The following LMF1 variants were observed in gnomAD, a reference collection of about 807,000 sequenced individuals.
The protein encoded by LMF1 is transmembrane protein 112.
Under a neutral mutation model 60.6 loss-of-function variants are expected in LMF1, and 68 were observed. That is an observed-to-expected ratio of 1.12 (90% confidence interval 0.92 to 1.37). The LOEUF is 1.37. Among genes scored for constraint, LMF1 ranks in the 40% most tolerant of loss-of-function variants. The pLI is 0.00. For synonymous variants in LMF1, 418 were observed against 324.7 expected, an observed-to-expected ratio of 1.29 and a Z score of -3.09; for missense variants, 948 against 767.2, an observed-to-expected ratio of 1.24 and a Z score of -2.78.
chr16:932,195 A>ATCT (rs1279884939), intron 3 of LMF1, among the ~76,000 whole-genome samples: 1 of 152,122 alleles, frequency 6.6e-6, no homozygotes, highest in Non-Finnish European at 1.5e-5. Flanking sequence ...TACTTAGAGT[A>ATCT]GAGCCTGTGT....
chr16:970,944 C>G lies in LMF1; in HGVS notation c.37G>C (p.Glu13Gln). Reference sequence around the variant, plus strand: ...CCAGTCTTCCGCCTCCTCAGCGACTCCGCGGGCGCCGCCATTGTTGGGCTG... The same window carrying G: ...CCAGTCTTCCGCCTCCTCAGCGACTGCGCGGGCGCCGCCATTGTTGGGCTG... ...PDSPTMAAPA[E>Q]SLRRRKTGYS... is the part of the protein sequence containing the mutation. The change falls in exon 1 of 11, where the codon GAG (glutamate) becomes CAG (glutamine). Residue 13 changes from glutamate (E) to glutamine (Q), a missense_variant. Coordinates refer to ENST00000262301, the MANE Select transcript of LMF1 (RefSeq NM_022773.4). 1 of 1,543,026 alleles carries G rather than the reference C, an allele frequency of 6.5e-7. No individual in the cohort carries two copies. The highest frequency in any genetic ancestry group is 8.8e-7 in the Non-Finnish European group (1 of 1,140,034).
At chr16:977,669 G>C (rs965851452) in intron 1 of LMF1, among the ~76,000 whole-genome samples, 1 of 150,464 alleles carries the variant, frequency 6.6e-6, no homozygotes, top group Non-Finnish European at 1.5e-5. Flanking sequence ...GAGGAGGGCC[G>C]GGTTGGGGGT....
intron 3 of LMF1, among the ~76,000 whole-genome samples, chr16:927,799 G>C (rs1458844754): frequency 1.3e-5 from 2 of 152,206 alleles, no homozygotes; most frequent in African/African-American, 4.8e-5. Context: ...ACGAATTTAA[G>C]AGCCGCAAGG....
intron 4 of LMF1, among the ~76,000 whole-genome samples, chr16:906,771 G>A (rs916848839): frequency 2.0e-5 from 3 of 152,136 alleles, no homozygotes; most frequent in African/African-American, 7.2e-5. Flanking sequence ...CTTCAAAATT[G>A]TTTTGGCTAT....
At chr16:949,984 G>A (rs1363905467) in intron 2 of LMF1, among the ~76,000 whole-genome samples, 2 of 142,044 alleles carry the variant, frequency 1.4e-5, no homozygotes, top group Admixed American at 7.0e-5. Context: ...CAGAGCCAAC[G>A]ACAGAGTCAG....
chr16:933,976 C>A (rs761225667), intron 3 of LMF1: 4 of 1,443,334 alleles, frequency 2.8e-6, no homozygotes, highest in Non-Finnish European at 3.7e-6. Context: ...CCCAGGGAAG[C>A]GGTGGTAATC....
intron 2 of LMF1, among the ~76,000 whole-genome samples, chr16:947,064 C>G (rs952064104): frequency 2.0e-5 from 3 of 152,218 alleles, no homozygotes; most frequent in Non-Finnish European, 4.4e-5. Context: ...AGACACCCAG[C>G]ACACAGCAAC....
intron 5 of LMF1, among the ~76,000 whole-genome samples, chr16:880,643 T>G (rs2070134186): frequency 1.3e-5 from 2 of 152,248 alleles, no homozygotes; most frequent in African/African-American, 4.8e-5. Flanking sequence ...GCACTCAGCC[T>G]AGGCAACAGA....
In LMF1 at chr16:879,729, C is replaced by T. The variant is rs753692649; in HGVS notation, c.738G>A (p.Pro246=). 31 of 1,586,536 alleles carry T rather than the reference C, an allele frequency of 2.0e-5. 1 individual carries two copies. Among genetic ancestry groups the T allele is most frequent in the African/African-American group, 8.1e-5 (6 of 74,452 alleles). Reference sequence around the variant, plus strand: ...GGTAGTACGCCACAGGATTGGGCATCGGCTGGGTCTGCAGGGACAGGAGGG... The same window carrying T: ...GGTAGTACGCCACAGGATTGGGCATTGGCTGGGTCTGCAGGGACAGGAGGG... ...TCMDFHYETQ[P]MPNPVAYYLH... is the part of the protein sequence containing the mutation. The change falls in exon 6 of 11, where the codon CCG becomes CCA. Residue 246 remains proline (P), a synonymous_variant. Coordinates refer to ENST00000262301, the MANE Select transcript of LMF1 (RefSeq NM_022773.4).
chr16:943,477 G>A (rs1447795298), intron 2 of LMF1, among the ~76,000 whole-genome samples: 1 of 151,810 alleles, frequency 6.6e-6, no homozygotes, highest in East Asian at 1.9e-4. Context: ...TGTAATCCCA[G>A]CACTTTGGGA....
chr16:954,699 T>A, intron 1 of LMF1, 33 bp from the exon 2 acceptor site: 1 of 1,550,944 alleles, frequency 6.4e-7, no homozygotes, highest in Middle Eastern at 1.7e-4. Flanking sequence ...CAAGCATGAC[T>A]AGGAACAAAC....
chr16:922,687 G>A (rs1367395461), intron 3 of LMF1, among the ~76,000 whole-genome samples: 14 of 144,708 alleles, frequency 9.7e-5, no homozygotes, highest in African/African-American at 3.1e-4. Context: ...TATTGGTGTC[G>A]TGTTGTTGCG....
chr16:972,320 G>A (rs760963812), upstream of LMF1, among the ~76,000 whole-genome samples: 13 of 152,212 alleles, frequency 8.5e-5, no homozygotes, highest in African/African-American at 1.7e-4. Context: ...CAACGGGTAC[G>A]AACACACAAA....
Position 897,666 on chromosome 16 carries a change from G to A in LMF1, c.664-4594C>T, listed in dbSNP as rs1014689933. Among the ~76,000 whole-genome samples, 3 of 152,216 alleles carry A rather than the reference G, an allele frequency of 2.0e-5. No individual in the cohort carries two copies. Among genetic ancestry groups the A allele is most frequent in the African/African-American group, 7.2e-5 (3 of 41,446 alleles). ...CTTCTCCCCGAGTGCTCTGAGAGCT[G>A]GGGGTGGGTGGAAACCGTGTCTCAG... On this transcript the variant is annotated intron_variant, in intron 4 of 10. Coordinates refer to ENST00000262301, the MANE Select transcript of LMF1 (RefSeq NM_022773.4). This position sits in a 1 kb window ranked among gnomAD's most constrained non-coding sequence, Gnocchi z 4.3.
At chr16:911,577 TGG>T (rs1555458619) in intron 3 of LMF1, among the ~76,000 whole-genome samples, 1 of 27,802 alleles carries the variant, frequency 3.6e-5, no homozygotes, top group Non-Finnish European at 6.0e-5. Flanking sequence ...GAGGCAGCAC[TGG>T]GGGGGCAGCA....
chr16:916,383 C>T (rs2071278768), intron 3 of LMF1, among the ~76,000 whole-genome samples: 1 of 152,232 alleles, frequency 6.6e-6, no homozygotes, highest in African/African-American at 2.4e-5. Flanking sequence ...CCTCTGCCAC[C>T]CCAGGGGCTT....
intron 3 of LMF1, among the ~76,000 whole-genome samples, chr16:929,353 C>T (rs1597015661): frequency 1.3e-5 from 2 of 152,328 alleles, no homozygotes; most frequent in Admixed American, 6.5e-5. Context: ...GGGACGGGGA[C>T]CACGCTGGAG....
chr16:962,863 G>A lies in LMF1; in HGVS notation c.193+7925C>T, dbSNP rs1330598638. Among the ~76,000 whole-genome samples, 2 of 152,188 alleles carry A rather than the reference G, an allele frequency of 1.3e-5. No individual in the cohort carries two copies. The highest frequency in any genetic ancestry group is 2.1e-4 in the South Asian group (1 of 4,826). ...AAAGTAAAGGTTTCTCGAAGACTCT[G>A]CACCACTCAGTGCCCGGCATGAAGC... On this transcript the variant is annotated intron_variant, in intron 1 of 10. Coordinates refer to ENST00000262301, the MANE Select transcript of LMF1 (RefSeq NM_022773.4). The surrounding 1 kb of genome is among the most constrained non-coding windows in gnomAD (Gnocchi z 4.5).
intron 10 of LMF1, among the ~76,000 whole-genome samples, chr16:856,879 G>C (rs915572129): frequency 6.6e-6 from 1 of 152,232 alleles, no homozygotes; most frequent in African/African-American, 2.4e-5. Flanking sequence ...CACAGCTATA[G>C]TAGGGATTGC....
Sources: allele counts gnomAD v4.1 joint callset (sites outside exome capture counted in the v4.1 genomes callset), GRCh38; gene constraint gnomAD v4.1.1; non-coding constraint Gnocchi (gnomAD v3.1); transcripts MANE v1.5; gene names NCBI Gene and HGNC (gene_info 2026-07-23, HGNC 2026-07-21).